Variants in CAMTA1 observed in about 807,000 individuals in gnomAD.
CAMTA1 encodes the protein calmodulin binding transcription activator 1, also known as calmodulin-binding transcription activator 1.
CAMTA1 carries 27 observed loss-of-function variants against 170.9 expected under a neutral mutation model. The ratio of observed to expected loss-of-function variants is 0.16; its 90% CI spans 0.12 to 0.22. CAMTA1 has a LOEUF of 0.22. CAMTA1 is among the 10% of genes least tolerant of loss of function. The probability of loss-of-function intolerance (pLI) is 1.00; values close to 1 mark genes in which losing one functional copy is unlikely to be tolerated. For synonymous variants in CAMTA1, 833 were observed against 891.5 expected (o/e 0.93, Z 1.17); for missense variants, 1,619 against 2,217.2 (o/e 0.73, Z 5.42).
At position 7,507,129 on chromosome 1, in the gene CAMTA1, T is replaced by G. The variant is rs528020804; in HGVS notation, c.510+39228T>G. ...ATGCTCACCCTCTAACCCTCTCACA[T>G]TCACACACTCACACTCACTCCCACA... On this transcript the variant is annotated intron_variant, in intron 6 of 22. Coordinates refer to ENST00000303635, the MANE Select transcript of CAMTA1 (RefSeq NM_015215.4). 6.0e-5 allele frequency among the ~76,000 whole-genome samples: 9 copies of G among 151,098 alleles called. No individual in the cohort carries two copies. The East Asian group carries it at 1.6e-3, about 26-fold the overall frequency.
intron 3 of CAMTA1, among the ~76,000 whole-genome samples, chr1:6,924,529 C>T (rs554091783): frequency 3.3e-5 from 5 of 152,182 alleles, no homozygotes; most frequent in African/African-American, 1.2e-4. Context: ...TGGCTTCTCC[C>T]TCTTTCACCC....
Position 6,831,981 on chromosome 1 carries a change from CCTAA to C in CAMTA1, c.234+6774_234+6777del, listed in dbSNP as rs751738885. 8.0e-4 allele frequency among the ~76,000 whole-genome samples: 122 copies of C among 152,140 alleles called. 1 individual carries two copies. The highest frequency in any genetic ancestry group is 1.0e-3 in the Non-Finnish European group (69 of 67,990). On this transcript the variant is annotated intron_variant, in intron 3 of 22. Coordinates refer to ENST00000303635, the MANE Select transcript of CAMTA1 (RefSeq NM_015215.4). ...TTAAAAATCTTGAGTACTTTTTCCC[CCTAA>C]CTTTTTATATTTAGGTAAGAAAAAT...
At chr1:7,459,381 G>A (rs1457319591) in intron 5 of CAMTA1, among the ~76,000 whole-genome samples, 2 of 152,138 alleles carry the variant, frequency 1.3e-5, no homozygotes, top group Non-Finnish European at 1.5e-5. Context: ...CTGCGTCTGC[G>A]TTCAGGGTAC....
At chr1:7,200,647 T>G (rs985617156) in intron 4 of CAMTA1, among the ~76,000 whole-genome samples, 3 of 152,240 alleles carry the variant, frequency 2.0e-5, no homozygotes, top group African/African-American at 7.2e-5. Flanking sequence ...TAGATTAGAT[T>G]ACACAGTGTT....
chr1:7,027,648 G>A (rs1217082444), intron 3 of CAMTA1, among the ~76,000 whole-genome samples: 1 of 152,148 alleles, frequency 6.6e-6, no homozygotes, highest in South Asian at 2.1e-4. Context: ...GGGGATATCT[G>A]TGCTGATACA....
At chr1:7,236,744 G>A (rs1244185327) in intron 4 of CAMTA1, among the ~76,000 whole-genome samples, 3 of 152,206 alleles carry the variant, frequency 2.0e-5, no homozygotes, top group Non-Finnish European at 2.9e-5. Flanking sequence ...TCTCATGGTC[G>A]CAGTTGTCCT....
chr1:6,817,989 G>A (rs979926778), intron 1 of CAMTA1, among the ~76,000 whole-genome samples: 4 of 152,188 alleles, frequency 2.6e-5, no homozygotes, highest in African/African-American at 9.7e-5. Flanking sequence ...GGGCATAAGG[G>A]AGAGGAAAAT....
chr1:7,188,306 T>C (rs1653852668), intron 4 of CAMTA1, among the ~76,000 whole-genome samples: 1 of 152,208 alleles, frequency 6.6e-6, no homozygotes, highest in Admixed American at 6.5e-5. Flanking sequence ...GAAATTGTGG[T>C]GAAATGCACC....
intron 4 of CAMTA1, among the ~76,000 whole-genome samples, chr1:7,186,856 CA>C (rs1008913471): frequency 2.6e-5 from 4 of 152,090 alleles, no homozygotes; most frequent in South Asian, 2.1e-4. Flanking sequence ...CGTGCACAAC[CA>C]GGTAAATATT....
At position 7,435,478 on chromosome 1, in the gene CAMTA1, G is replaced by A. The variant is rs571577283; in HGVS notation, c.439-32352G>A. Among the ~76,000 whole-genome samples, 12 of 152,272 alleles carry A rather than the reference G, an allele frequency of 7.9e-5. No individual in the cohort carries two copies. In the South Asian group the frequency reaches 1.0e-3, roughly 13 times the overall value. ...TTCCTGTTTTGAAACAGAACCTTCCGGTTTGTTGAGGGTTGGGTCATCATC... is the reference window on the plus strand; with the variant it reads ...TTCCTGTTTTGAAACAGAACCTTCCAGTTTGTTGAGGGTTGGGTCATCATC... On this transcript the variant is annotated intron_variant, in intron 5 of 22. Transcript: ENST00000303635. This position sits in a 1 kb window ranked among gnomAD's most constrained non-coding sequence, Gnocchi z 4.4.
intron 3 of CAMTA1, among the ~76,000 whole-genome samples, chr1:6,893,206 A>T (rs1186260552): frequency 2.6e-5 from 4 of 152,120 alleles, no homozygotes; most frequent in South Asian, 2.1e-4. Context: ...GGTTGCAGTC[A>T]GCCGAGATCG....
At chr1:6,847,924 G>T (rs2148770555) in intron 3 of CAMTA1, among the ~76,000 whole-genome samples, 1 of 150,888 alleles carries the variant, frequency 6.6e-6, no homozygotes, top group East Asian at 2.0e-4. Context: ...TGTTGGTCAG[G>T]CTGGTCTTGA....
At chr1:7,541,773 T>C (rs2094613996) in intron 6 of CAMTA1, among the ~76,000 whole-genome samples, 1 of 152,170 alleles carries the variant, frequency 6.6e-6, no homozygotes, top group South Asian at 2.1e-4. Flanking sequence ...GGCACCAGGG[T>C]GGTCACCCAC....
intron 5 of CAMTA1, among the ~76,000 whole-genome samples, chr1:7,404,732 C>T (rs1015491490): frequency 5.3e-5 from 8 of 152,084 alleles, no homozygotes; most frequent in East Asian, 1.9e-4. Context: ...GAGCCGCCTA[C>T]GGGAAAGGAA....
chr1:7,454,652 T>A (rs939142308), intron 5 of CAMTA1, among the ~76,000 whole-genome samples: 1 of 151,964 alleles, frequency 6.6e-6, no homozygotes, highest in Non-Finnish European at 1.5e-5. Flanking sequence ...TCAGGGAGGA[T>A]AGGAAGGGGC....
Position 7,574,358 on chromosome 1 carries a change from C to T in CAMTA1, c.511-66042C>T, listed in dbSNP as rs2095164158. Among the ~76,000 whole-genome samples the T allele has an allele frequency of 3.3e-5, 5 of 152,178 alleles. No homozygotes were observed. The South Asian group carries it at 1.0e-3, about 32-fold the overall frequency. ...ACCCACCCAGGAAGGAAGGGCAGCC[C>T]ACTCCCCTTGCCCCCATCAGGGAGC... On this transcript the variant is annotated intron_variant, in intron 6 of 22. Transcript: ENST00000303635.
chr1:7,395,303 C>T lies in CAMTA1; in HGVS notation c.439-72527C>T, dbSNP rs564256609. On this transcript the variant is annotated intron_variant, in intron 5 of 22. Transcript: ENST00000303635. ...TTATGCATGTAGATGTCCAGTTTTCCCAGCAAAACTTACTGAAAAGACTGC... is the reference window on the plus strand; with the variant it reads ...TTATGCATGTAGATGTCCAGTTTTCTCAGCAAAACTTACTGAAAAGACTGC... Among the ~76,000 whole-genome samples, 193 of 152,232 alleles carry T rather than the reference C, an allele frequency of 1.3e-3. 1 individual carries two copies. The highest frequency in any genetic ancestry group is 4.5e-3 in the African/African-American group (188 of 41,544).
intron 4 of CAMTA1, among the ~76,000 whole-genome samples, chr1:7,105,516 C>T (rs756306636): frequency 2.0e-5 from 3 of 152,232 alleles, no homozygotes; most frequent in Non-Finnish European, 4.4e-5. Flanking sequence ...TTCCTCCGTT[C>T]CACTGAGCAC....
At chr1:7,279,197 C>T (rs1233573368) in intron 5 of CAMTA1, among the ~76,000 whole-genome samples, 3 of 152,108 alleles carry the variant, frequency 2.0e-5, no homozygotes, top group African/African-American at 7.2e-5. Context: ...AACGATGGGG[C>T]CCATGAAAGC....
Sources: allele counts gnomAD v4.1 joint callset (sites outside exome capture counted in the v4.1 genomes callset), GRCh38; gene constraint gnomAD v4.1.1; non-coding constraint Gnocchi (gnomAD v3.1); transcripts MANE v1.5; gene names NCBI Gene and HGNC (gene_info 2026-07-23, HGNC 2026-07-21).